Variants in ADK observed in about 807,000 individuals in gnomAD.
The protein encoded by ADK is N6,N6-dimethyladenosine kinase.
A neutral mutation model predicts 44.7 loss-of-function variants in ADK; 24 were observed. The ratio of observed to expected loss-of-function variants is 0.54; its 90% CI spans 0.39 to 0.76. The LOEUF is 0.76. Ranked by LOEUF, ADK falls within the 30% of genes least tolerant of loss-of-function variation. The pLI, the probability that ADK is intolerant of heterozygous loss-of-function variation, is 0.00. For missense variants in ADK, 321 were observed against 425.1 expected, an observed-to-expected ratio of 0.76 and a Z score of 2.15; for synonymous variants, 128 against 142.6, an observed-to-expected ratio of 0.90 and a Z score of 0.73.
chr10:74,201,443 T>G (rs1400930638), intron 2 of ADK, among the ~76,000 whole-genome samples: 3 of 152,194 alleles, frequency 2.0e-5, no homozygotes, highest in Non-Finnish European at 4.4e-5. Context: ...CATAGGACAG[T>G]GTAATAAGAC....
chr10:74,623,487 G>C (rs1297378745), intron 9 of ADK, among the ~76,000 whole-genome samples: 1 of 151,942 alleles, frequency 6.6e-6, no homozygotes, highest in East Asian at 1.9e-4. Context: ...GTCCGTACTT[G>C]CTTAACTGTG....
intron 4 of ADK, among the ~76,000 whole-genome samples, chr10:74,338,163 A>C (rs908763819): frequency 6.6e-6 from 1 of 152,226 alleles, no homozygotes; most frequent in South Asian, 2.1e-4. Context: ...AAATGAATAT[A>C]TAAAATAGCA....
intron 4 of ADK, among the ~76,000 whole-genome samples, chr10:74,326,922 T>C (rs1390958689): frequency 6.6e-6 from 1 of 152,016 alleles, no homozygotes; most frequent in African/African-American, 2.4e-5. Flanking sequence ...TATTTGTGTC[T>C]TCTCCTTTTT....
At chr10:74,572,957 T>C (rs1851027529) in intron 7 of ADK, among the ~76,000 whole-genome samples, 1 of 152,234 alleles carries the variant, frequency 6.6e-6, no homozygotes, top group Admixed American at 6.5e-5. Context: ...AATTTCCTCC[T>C]GTAGCTCGGA....
At chr10:74,584,630 C>T (rs762397370) in intron 7 of ADK, among the ~76,000 whole-genome samples, 1 of 152,112 alleles carries the variant, frequency 6.6e-6, no homozygotes, top group Non-Finnish European at 1.5e-5. Flanking sequence ...CTAACCTATA[C>T]CACTCCGTTT....
intron 3 of ADK, among the ~76,000 whole-genome samples, chr10:74,259,631 G>C (rs1353482985): frequency 3.3e-5 from 5 of 151,278 alleles, no homozygotes; most frequent in African/African-American, 4.9e-5. Context: ...TATTTTTTTT[G>C]TATTTTTAGT....
At chr10:74,490,551 G>A (rs1313937749) in intron 6 of ADK, among the ~76,000 whole-genome samples, 1 of 152,032 alleles carries the variant, frequency 6.6e-6, no homozygotes, top group African/African-American at 2.4e-5. Context: ...ACAGAGTTTA[G>A]GAGCCTATAT....
At chr10:74,317,707 G>A (rs1840672975) in intron 4 of ADK, among the ~76,000 whole-genome samples, 1 of 152,076 alleles carries the variant, frequency 6.6e-6, no homozygotes, top group Non-Finnish European at 1.5e-5. Context: ...TCTCTGATTT[G>A]GCAGTACATT....
intron 6 of ADK, among the ~76,000 whole-genome samples, chr10:74,407,820 A>G (rs1233955776): frequency 6.6e-6 from 1 of 152,164 alleles, no homozygotes; most frequent in Non-Finnish European, 1.5e-5. Context: ...TTATTATCCA[A>G]TGCCTGAAAA....
At chr10:74,273,078 G>A (rs933523460) in intron 3 of ADK, among the ~76,000 whole-genome samples, 3 of 152,020 alleles carry the variant, frequency 2.0e-5, no homozygotes, top group Non-Finnish European at 2.9e-5. Flanking sequence ...ATGGAGATGT[G>A]CAGCCCTGAT....
intron 7 of ADK, among the ~76,000 whole-genome samples, chr10:74,526,099 C>G (rs1849028563): frequency 6.6e-6 from 1 of 152,014 alleles, no homozygotes; most frequent in Non-Finnish European, 1.5e-5. Context: ...ACATTCATCA[C>G]TTTTTTAAGT....
chr10:74,683,802 G>A (rs372518195), intron 10 of ADK, among the ~76,000 whole-genome samples: 1 of 152,164 alleles, frequency 6.6e-6, no homozygotes, highest in African/African-American at 2.4e-5. Flanking sequence ...GTCGTCCTCC[G>A]TAAGGGAAAA....
chr10:74,702,974 T>C (rs1438148668), intron 10 of ADK, among the ~76,000 whole-genome samples: 1 of 152,094 alleles, frequency 6.6e-6, no homozygotes, highest in Non-Finnish European at 1.5e-5. Context: ...AATGGAGAAG[T>C]AGGACAACAC....
intron 3 of ADK, among the ~76,000 whole-genome samples, chr10:74,292,820 C>T (rs1217241260): frequency 6.6e-6 from 1 of 152,118 alleles, no homozygotes; most frequent in East Asian, 1.9e-4. Context: ...CACCATCATC[C>T]TTTGCCTAGA....
intron 6 of ADK, among the ~76,000 whole-genome samples, chr10:74,428,660 G>A (rs1244785836): frequency 6.6e-6 from 1 of 152,240 alleles, no homozygotes; most frequent in African/African-American, 2.4e-5. Flanking sequence ...TCATTTTGCA[G>A]TCATCATGTT....
intron 4 of ADK, among the ~76,000 whole-genome samples, chr10:74,378,871 T>C (rs1025779450): frequency 1.3e-5 from 2 of 151,800 alleles, no homozygotes; most frequent in Admixed American, 6.6e-5. Flanking sequence ...GAGGCTAAGG[T>C]GGGAGGATTG....
intron 8 of ADK, among the ~76,000 whole-genome samples, chr10:74,593,117 T>C (rs1319429399): frequency 6.6e-6 from 1 of 151,982 alleles, no homozygotes; most frequent in Non-Finnish European, 1.5e-5. Context: ...ATATAAATAG[T>C]GCAATGAATG....
intron 4 of ADK, among the ~76,000 whole-genome samples, chr10:74,346,633 G>A (rs905285824): frequency 1.1e-4 from 16 of 152,038 alleles, no homozygotes; most frequent in Non-Finnish European, 1.0e-4. Flanking sequence ...TGCAGCTACC[G>A]ATTTGGGAAA....
rs1564652330 is a variant in ADK at position 74,321,176 on chromosome 10, A to AT, written c.273+6431_273+6432insT. On this transcript the variant is annotated intron_variant, in intron 4 of 10. Coordinates refer to ENST00000539909, the MANE Select transcript of ADK (RefSeq NM_006721.4). ...CTTGGGGTATATTCTAGGCATCTCA[A>AT]AAATTTTAAATACCATCTTATCCTT... Among the ~76,000 whole-genome samples, 4 of 152,312 alleles carry AT rather than the reference A, an allele frequency of 2.6e-5. No homozygotes were observed. In the East Asian group the frequency reaches 7.7e-4, roughly 29 times the overall value.
Sources: allele counts gnomAD v4.1 joint callset (sites outside exome capture counted in the v4.1 genomes callset), GRCh38; gene constraint gnomAD v4.1.1; transcripts MANE v1.5; gene names NCBI Gene and HGNC (gene_info 2026-07-23, HGNC 2026-07-21).